The following CLIP2 variants were observed in gnomAD, a reference collection of about 807,000 sequenced individuals.
CLIP2 encodes CAP-Gly domain containing linker protein 2.
CLIP2 carries 41 observed loss-of-function variants against 111.7 expected under a neutral mutation model. The ratio of observed to expected loss-of-function variants is 0.37; its 90% confidence interval spans 0.29 to 0.48. The LOEUF (loss-of-function observed/expected upper bound fraction) is 0.48. Among genes scored for constraint, CLIP2 ranks in the 20% least tolerant of loss-of-function variants. The probability of loss-of-function intolerance (pLI) is 0.99; values close to 1 mark genes in which losing one functional copy is unlikely to be tolerated. For missense variants in CLIP2, 1,160 were observed against 1,422.1 expected (o/e 0.82, Z 2.96); for synonymous variants, 660 against 644.2 (o/e 1.02, Z -0.37).
intron 3 of CLIP2, among the ~76,000 whole-genome samples, chr7:74,349,287 T>C (rs973791772): frequency 6.6e-6 from 1 of 150,636 alleles, no homozygotes; most frequent in Non-Finnish European, 1.5e-5. Context: ...AAAAATTAGC[T>C]GGGCGTGGTG....
chr7:74,385,737 C>CTTTTTTT, intron 11 of CLIP2, among the ~76,000 whole-genome samples: 1 of 117,722 alleles, frequency 8.5e-6, no homozygotes, highest in Non-Finnish European at 1.8e-5. Flanking sequence ...GTCGGGTCTT[C>CTTTTTTT]TTTTTTTTTT....
chr7:74,301,978 G>A (rs1439531152), intron 1 of CLIP2, among the ~76,000 whole-genome samples: 2 of 152,114 alleles, frequency 1.3e-5, no homozygotes, highest in East Asian at 3.9e-4. Context: ...CTCCCAAAGT[G>A]CTGGGATTAC....
chr7:74,291,785 C>A (rs1216039601), intron 1 of CLIP2, among the ~76,000 whole-genome samples: 1 of 152,156 alleles, frequency 6.6e-6, no homozygotes, highest in African/African-American at 2.4e-5. Flanking sequence ...TCCTGCCTCC[C>A]TTGGTGATAG....
chr7:74,303,911 CAAAAAAAA>C (rs34205594), intron 1 of CLIP2, among the ~76,000 whole-genome samples: 2 of 124,760 alleles, frequency 1.6e-5, no homozygotes, highest in African/African-American at 3.0e-5. Context: ...GACTCGGTCT[CAAAAAAAA>C]AAAAAAAAAT....
chr7:74,381,572 C>A (rs567929679), intron 11 of CLIP2: 2 of 455,654 alleles, frequency 4.4e-6, no homozygotes, highest in South Asian at 3.1e-5. Context: ...CTATTCTTCC[C>A]TCCCTGAAGG....
At chr7:74,359,123 C>T (rs1554309167) in intron 6 of CLIP2, among the ~76,000 whole-genome samples, 1 of 151,302 alleles carries the variant, frequency 6.6e-6, no homozygotes, top group Admixed American at 6.6e-5. Context: ...GCCACCACGC[C>T]CAGCTAATCT....
chr7:74,317,697 G>T, intron 2 of CLIP2, 30 bp downstream of exon 2: 1 of 1,414,344 alleles, frequency 7.1e-7, no homozygotes, highest in East Asian at 2.7e-5. Context: ...TGGGGGGTGA[G>T]GGGACTGGCT....
chr7:74,307,826 T>G (rs229885), intron 1 of CLIP2, among the ~76,000 whole-genome samples: 90,660 of 151,464 alleles, frequency 0.6, 29,656 homozygotes, highest in Non-Finnish European at 0.74. Flanking sequence ...TGCTGGGGGG[T>G]GGTTCAGGAG....
chr7:74,373,156 ATTT>A, intron 9 of CLIP2, 120 bp downstream of exon 9: 1 of 638,310 alleles, frequency 1.6e-6, no homozygotes, highest in Non-Finnish European at 2.7e-6. Flanking sequence ...TTTTATTTTT[ATTT>A]TTTATTTTTG....
At chr7:74,377,210 C>T (rs1790817456) in intron 10 of CLIP2, among the ~76,000 whole-genome samples, 1 of 152,156 alleles carries the variant, frequency 6.6e-6, no homozygotes, top group African/African-American at 2.4e-5. Context: ...TGAAGGCAAG[C>T]TCTGCCTATC....
chr7:74,381,040 C>T (rs782041209), intron 11 of CLIP2, 177 bp downstream of exon 11: 1 of 512,378 alleles, frequency 2.0e-6, no homozygotes, highest in Non-Finnish European at 3.5e-6. Context: ...GAGGGATAGG[C>T]ATTGCACCAG....
At chr7:74,363,705 T>C (rs499547) in intron 7 of CLIP2, among the ~76,000 whole-genome samples, 67,781 of 151,398 alleles carry the variant, frequency 0.45, 15,435 homozygotes, top group East Asian at 0.73. Flanking sequence ...GCCAACATGT[T>C]AAAACCCTGT....
intron 2 of CLIP2, among the ~76,000 whole-genome samples, chr7:74,335,781 C>T (rs1167123175): frequency 1.3e-5 from 2 of 148,452 alleles, no homozygotes; most frequent in African/African-American, 2.5e-5. Context: ...CTCACTCTGT[C>T]GCCCAGGCTA....
chr7:74,375,999 C>G lies in CLIP2; in HGVS notation c.1598C>G (p.Pro533Arg). The G allele has an allele frequency of 6.2e-7, 1 of 1,612,100 alleles. No homozygotes were observed. The highest frequency in any genetic ancestry group is 1.1e-5 in the South Asian group (1 of 90,908). The change falls in exon 10 of 17, where the codon CCT (proline) becomes CGT (arginine). Residue 533 changes from proline to arginine, a missense_variant. By Grantham distance (103) the Pro-to-Arg change is moderately radical. Around this residue, in one of 5 missense-constraint regions of CLIP2, gnomAD observed 676 missense variants for 777.8 expected, o/e 0.87. Transcript: ENST00000223398. ...TGCCTGTTGCACTCGGGTCCCCCAC[C>G]TCCGGACCACCCAGACGCCGCCGAG... The part of the protein sequence containing the change: ...QQCLLHSGPP[P>R]PDHPDAAEIL...
intron 3 of CLIP2, among the ~76,000 whole-genome samples, chr7:74,343,804 G>T (rs373213891): frequency 1.4e-4 from 22 of 152,166 alleles, no homozygotes; most frequent in African/African-American, 5.1e-4. Context: ...TGGGGAGACT[G>T]AGGTGGGAGG....
At chr7:74,336,877 T>G (rs1554732214) in intron 2 of CLIP2, among the ~76,000 whole-genome samples, 1 of 47,228 alleles carries the variant, frequency 2.1e-5, no homozygotes, top group Non-Finnish European at 5.4e-5. Context: ...TTTTTTTTGT[T>G]TTTTTTTGTT....
chr7:74,376,609 A>G lies in CLIP2; in HGVS notation c.2208A>G (p.Glu736=), dbSNP rs1554312946. ...CCGAGCTGCGTGTGCACGAGCTGGA[A>G]AAACTGGACGTGGAGTACCGGGGCC... ...RDAELRVHEL[E]KLDVEYRGQA... The change falls in exon 10 of 17, where the codon GAA becomes GAG. Residue 736 remains glutamate (E), a synonymous_variant. Coordinates refer to ENST00000223398, the MANE Select transcript of CLIP2 (RefSeq NM_003388.5). The surrounding 1 kb of genome is among the most constrained non-coding windows in gnomAD (Gnocchi z 7.1). 6.2e-7 allele frequency: 1 copy of G among 1,613,100 alleles called. No individual in the cohort carries two copies. The highest frequency in any genetic ancestry group is 1.7e-5 in the Admixed American group (1 of 59,908).
chr7:74,374,883 G>A (rs1790731516), intron 9 of CLIP2, among the ~76,000 whole-genome samples: 1 of 152,124 alleles, frequency 6.6e-6, no homozygotes, highest in African/African-American at 2.4e-5. Flanking sequence ...GGAGAATGGA[G>A]CCTCTAAGAG....
At chr7:74,327,459 G>C (rs1264950169) in intron 2 of CLIP2, among the ~76,000 whole-genome samples, 1 of 152,200 alleles carries the variant, frequency 6.6e-6, no homozygotes, top group Non-Finnish European at 1.5e-5. Context: ...GAGTGTTCCA[G>C]ACCTTGGCAC....
Sources: allele counts gnomAD v4.1 joint callset (sites outside exome capture counted in the v4.1 genomes callset), GRCh38; gene constraint gnomAD v4.1.1; regional missense constraint gnomAD v4.1.1; non-coding constraint Gnocchi (gnomAD v3.1); transcripts MANE v1.5; gene names NCBI Gene and HGNC (gene_info 2026-07-23, HGNC 2026-07-21).